Variants in GDPD4 observed in about 807,000 individuals in gnomAD.
GDPD4 encodes the protein glycerophosphodiester phosphodiesterase domain containing 4.
A neutral mutation model predicts 67.8 loss-of-function variants in GDPD4; 60 were observed. The observed-to-expected ratio is 0.88, with a 90% CI of 0.72 to 1.10. The LOEUF (loss-of-function observed/expected upper bound fraction) is 1.10. GDPD4 is among the 50% of genes least tolerant of loss of function. GDPD4 has a pLI of 0.00. For missense variants in GDPD4, 623 were observed against 613.9 expected (o/e 1.01, Z -0.16); for synonymous variants, 212 against 210.9 (o/e 1.00, Z -0.04).
At chr11:77,265,625 A>T (rs1959174599) in intron 10 of GDPD4, among the ~76,000 whole-genome samples, 1 of 152,120 alleles carries the variant, frequency 6.6e-6, no homozygotes, top group South Asian at 2.1e-4. Flanking sequence ...AAAATCTGTG[A>T]CCTCATTCAG....
chr11:77,241,638 T>TATAA (rs1958667157), intron 13 of GDPD4, among the ~76,000 whole-genome samples: 1 of 60,824 alleles, frequency 1.6e-5, no homozygotes, highest in Non-Finnish European at 2.8e-5. Flanking sequence ...ACCCTGTCTT[T>TATAA]AAAAAAAAAA....
chr11:77,279,900 C>T (rs1477367953), intron 3 of GDPD4, among the ~76,000 whole-genome samples: 1 of 151,908 alleles, frequency 6.6e-6, no homozygotes, highest in African/African-American at 2.4e-5. Flanking sequence ...TTAGGAGAAA[C>T]AATGTTATAC....
chr11:77,267,167 G>A (rs918609613), intron 10 of GDPD4, among the ~76,000 whole-genome samples: 5 of 152,146 alleles, frequency 3.3e-5, no homozygotes, highest in South Asian at 2.1e-4. Context: ...TTCTGCAATT[G>A]CCTACAGTAT....
chr11:77,264,513 G>A (rs1692655489), intron 10 of GDPD4, among the ~76,000 whole-genome samples: 1 of 152,088 alleles, frequency 6.6e-6, no homozygotes. Context: ...AAGAAAATCA[G>A]GAGAGTATGG....
At chr11:77,276,600 G>C (rs1207068815) in intron 4 of GDPD4, among the ~76,000 whole-genome samples, 3 of 152,218 alleles carry the variant, frequency 2.0e-5, no homozygotes, top group African/African-American at 7.2e-5. Context: ...TCACTTGTAA[G>C]AGAAGAAAGG....
intron 16 of GDPD4, among the ~76,000 whole-genome samples, chr11:77,224,939 CT>C (rs200235129): frequency 0.11 from 15,761 of 143,110 alleles, 952 homozygotes; most frequent in African/African-American, 0.16. Flanking sequence ...CCATCTCTAC[CT>C]TTTTTTTTTT....
intron 5 of GDPD4, 147 bp downstream of exon 5, chr11:77,276,014 T>A (rs1959450244): frequency 3.3e-6 from 2 of 609,570 alleles, no homozygotes; most frequent in Non-Finnish European, 5.9e-6. Flanking sequence ...TCAGTTAATA[T>A]GGTGTAAGTA....
rs762300728 is a variant in GDPD4 at position 77,217,285 on chromosome 11, C to T, written c.1555G>A (p.Asp519Asn). ...TGTGCAAATCTATCTATCTATCTAT[C>T]TTCCTCATTCTTACTTCCACTCTGA... ...DTQSGSKNEE[D>N]R Residue 519 changes from aspartate (D) to asparagine (N), a missense_variant, in exon 17 of 17, where the codon GAT (aspartate) becomes AAT (asparagine). Transcript: ENST00000315938. 7.5e-6 allele frequency: 12 copies of T among 1,607,956 alleles called. No individual in the cohort carries two copies. The highest frequency in any genetic ancestry group is 1.6e-4 in the Middle Eastern group (1 of 6,068).
Position 77,235,025 on chromosome 11 carries a change from T to G in GDPD4, c.1242-1853A>C, listed in dbSNP as rs1397457013. On this transcript the variant is annotated intron_variant, in intron 13 of 16. Transcript: ENST00000315938. ...TCAATATCTGTTTTTTTTTTTTTTT[T>G]TTTTTTTTTTTTGACTTTTTAGTAA... Among the ~76,000 whole-genome samples, 16 of 142,172 alleles carry G rather than the reference T, an allele frequency of 1.1e-4. No homozygotes were observed. In the South Asian group the frequency reaches 1.2e-3, roughly 11 times the overall value. The allele number at this position is 142,172 out of a possible 152,430, so 93.3% of individuals were successfully genotyped here.
chr11:77,267,269 T>A (rs1221910125), intron 10 of GDPD4, among the ~76,000 whole-genome samples: 8 of 152,142 alleles, frequency 5.3e-5, no homozygotes, highest in African/African-American at 1.9e-4. Flanking sequence ...GCCATCTAGG[T>A]TTGTGTAAGT....
intron 11 of GDPD4, among the ~76,000 whole-genome samples, chr11:77,248,051 C>CAAAAAAAAAAAAAAAAAAAAA (rs34252021): frequency 1.6e-5 from 1 of 62,712 alleles, no homozygotes; most frequent in Non-Finnish European, 2.7e-5. Context: ...AACTCCGTCT[C>CAAAAAAAAAAAAAAAAAAAAA]AAAAAAAAAA....
chr11:77,297,626 G>A (rs760085343), intron 1 of GDPD4, among the ~76,000 whole-genome samples: 1 of 151,924 alleles, frequency 6.6e-6, no homozygotes, highest in Non-Finnish European at 1.5e-5. Flanking sequence ...GCAACTTTAG[G>A]CAAGTTATGT....
At chr11:77,229,537 T>C (rs1454493319) in intron 14 of GDPD4, among the ~76,000 whole-genome samples, 1 of 152,210 alleles carries the variant, frequency 6.6e-6, no homozygotes, top group East Asian at 1.9e-4. Flanking sequence ...ACAAGTCTAT[T>C]CTGGACCCAA....
chr11:77,239,688 G>A (rs988040124), intron 13 of GDPD4, among the ~76,000 whole-genome samples: 2 of 152,098 alleles, frequency 1.3e-5, no homozygotes, highest in Admixed American at 1.3e-4. Flanking sequence ...GGCCGGGTGC[G>A]GTGGCTCACA....
At chr11:77,301,482 C>G (rs930161026) in intron 1 of GDPD4, 123 bp downstream of exon 1, 1 of 152,184 alleles carries the variant, frequency 6.6e-6, no homozygotes, top group African/African-American at 2.4e-5. Flanking sequence ...ACAAACGACC[C>G]GACAGAGTGA....
At chr11:77,264,447 G>A (rs1301766323) in intron 10 of GDPD4, among the ~76,000 whole-genome samples, 1 of 151,982 alleles carries the variant, frequency 6.6e-6, no homozygotes, top group Non-Finnish European at 1.5e-5. Flanking sequence ...CACTTTAAAG[G>A]CAAGAAGGGA....
rs867295014 is a variant in GDPD4 at position 77,270,993 on chromosome 11, T to C, written c.400+137A>G. ...GGTAGTGAGTGAAAGCACAGGAGCA[T>C]GCCTGAGTAACAAGCTAAATGAATT... On this transcript the variant is annotated intron_variant, in intron 7 of 16. Transcript: ENST00000315938. The C allele has an allele frequency of 1.2e-5, 8 of 652,146 alleles. No individual in the cohort carries two copies. In the Admixed American group the frequency reaches 1.8e-4, roughly 15 times the overall value. The allele number at this position is 652,146 out of a possible 1,614,324, so 40.4% of individuals were successfully genotyped here.
intron 14 of GDPD4, among the ~76,000 whole-genome samples, chr11:77,231,239 C>T (rs1283244973): frequency 6.6e-6 from 1 of 152,166 alleles, no homozygotes; most frequent in Non-Finnish European, 1.5e-5. Flanking sequence ...TTCTCAATTA[C>T]GAGACCAATG....
intron 11 of GDPD4, among the ~76,000 whole-genome samples, chr11:77,250,260 C>T (rs1195669511): frequency 6.6e-6 from 1 of 152,082 alleles, no homozygotes; most frequent in Non-Finnish European, 1.5e-5. Flanking sequence ...CTTCAGTAGT[C>T]CCAATTTTCT....
Sources: allele counts gnomAD v4.1 joint callset (sites outside exome capture counted in the v4.1 genomes callset), GRCh38; gene constraint gnomAD v4.1.1; transcripts MANE v1.5; gene names NCBI Gene and HGNC (gene_info 2026-07-23, HGNC 2026-07-21).